XDH: variants seen among roughly 807,000 people sequenced by gnomAD.
The protein encoded by XDH is xanthine dehydrogenase.
A neutral mutation model predicts 156.1 loss-of-function variants in XDH; 138 were observed. That is an observed-to-expected ratio of 0.88 (90% CI 0.77 to 1.02). The LOEUF (loss-of-function observed/expected upper bound fraction) is 1.02, where lower values mean the gene tolerates loss of function less well. Among genes scored for constraint, XDH ranks in the 50% least tolerant of loss-of-function variants. The pLI, the probability that XDH is intolerant of heterozygous loss-of-function variation, is 0.00. For missense variants in XDH, 1,849 were observed against 1,684.9 expected (o/e 1.10, Z -1.71); for synonymous variants, 669 against 625.7 (o/e 1.07, Z -1.03).
chr2:31,352,774 T>C (rs1342462479), intron 24 of XDH, among the ~76,000 whole-genome samples: 1 of 152,156 alleles, frequency 6.6e-6, no homozygotes, highest in African/African-American at 2.4e-5. Context: ...ATTTTAACCC[T>C]AGATCTGAAG....
chr2:31,382,515 T>C (rs563455763), intron 11 of XDH, among the ~76,000 whole-genome samples: 3 of 152,332 alleles, frequency 2.0e-5, no homozygotes, highest in African/African-American at 7.2e-5. Context: ...TGGGGACTTG[T>C]CTGAAGGCTG....
intron 12 of XDH, among the ~76,000 whole-genome samples, chr2:31,381,294 G>A (rs1159852465): frequency 1.3e-5 from 2 of 152,062 alleles, no homozygotes; most frequent in East Asian, 1.9e-4. Flanking sequence ...CCGCACTACC[G>A]CACTTGGCCT....
intron 14 of XDH, among the ~76,000 whole-genome samples, chr2:31,375,935 C>G (rs548201286): frequency 1.8e-4 from 28 of 152,234 alleles, no homozygotes; most frequent in Admixed American, 7.2e-4. Context: ...AGTAACTTGA[C>G]TTATGTTATC....
At chr2:31,382,783 G>A (rs1686473280) in intron 11 of XDH, among the ~76,000 whole-genome samples, 1 of 152,144 alleles carries the variant, frequency 6.6e-6, no homozygotes, top group Non-Finnish European at 1.5e-5. Context: ...ACCTTCATCA[G>A]AAGCACCTGA....
intron 31 of XDH, 115 bp downstream of exon 31, chr2:31,344,569 A>AT: frequency 8.4e-7 from 1 of 1,189,322 alleles, no homozygotes. Context: ...TGTTGAAGAG[A>AT]TAAGTGGAGC....
At position 31,334,910 on chromosome 2, in the gene XDH, C is replaced by T. The variant is rs532392281; in HGVS notation, c.*1048G>A. 2.0e-5 allele frequency: 3 copies of T among 152,194 alleles called. No homozygotes were observed. The highest frequency in any genetic ancestry group is 6.5e-5 in the Admixed American group (1 of 15,296). The allele number at this position is 152,194 out of a possible 1,614,324, so 9.4% of individuals were successfully genotyped here. A position where few individuals can be genotyped will look rare whatever the true frequency, so the allele number is the denominator to read the frequency against. On this transcript the variant is annotated 3_prime_UTR_variant, in exon 36 of 36. Transcript: ENST00000379416. ...TCAGAGACAAGATCTTGCTCAGTCGCTCAGGCAGGAGTGCAGTGGCGCAAT... is the reference window on the plus strand; with the variant it reads ...TCAGAGACAAGATCTTGCTCAGTCGTTCAGGCAGGAGTGCAGTGGCGCAAT...
Position 31,335,482 on chromosome 2 carries a change from T to G in XDH, c.*476A>C, listed in dbSNP as rs1243600659. The G allele has an allele frequency of 5.0e-6, 1 of 201,776 alleles. No individual in the cohort carries two copies. Among genetic ancestry groups the G allele is most frequent in the Non-Finnish European group, 1.0e-5 (1 of 97,608 alleles). 12.5% of individuals were successfully genotyped at this position (201,776 alleles called of 1,614,324 possible). On this transcript the variant is annotated 3_prime_UTR_variant, in exon 36 of 36. Transcript: ENST00000379416. ...CTTACCCCACTGCCTCATTGCAAAATTTGAGTATAGATTCAAGGTTATGCT... is the reference window on the plus strand; with the variant it reads ...CTTACCCCACTGCCTCATTGCAAAAGTTGAGTATAGATTCAAGGTTATGCT...
At chr2:31,410,931 T>A (rs1377338172) in intron 1 of XDH, among the ~76,000 whole-genome samples, 2 of 152,196 alleles carry the variant, frequency 1.3e-5, no homozygotes, top group African/African-American at 4.8e-5. Context: ...ATAAAGTTTA[T>A]AGTATTACAC....
rs1008705348 is a variant in XDH at position 31,350,097 on chromosome 2, C to T, written c.2758G>A (p.Gly920Arg). Residue 920 changes from glycine to arginine, a missense_variant, in exon 25 of 36, where the codon GGG becomes AGG. Transcript: ENST00000379416. Reference protein sequence around the residue: ...TAFRGFGGPQGMLIAECWMSE... With the variant: ...TAFRGFGGPQRMLIAECWMSE... ...ATCCAGCACTCGGCAATGAGCATCC[C>T]CTGGGGCCCCCCAAAGCCCCGGAAG... The T allele has an allele frequency of 1.2e-6, 2 of 1,614,236 alleles. No individual in the cohort carries two copies. Among genetic ancestry groups the T allele is most frequent in the Non-Finnish European group, 1.7e-6 (2 of 1,180,052 alleles).
chr2:31,358,943 A>C (rs1428823411), intron 24 of XDH, among the ~76,000 whole-genome samples: 1 of 152,184 alleles, frequency 6.6e-6, no homozygotes, highest in Non-Finnish European at 1.5e-5. Context: ...GAAAACATGC[A>C]GATTGGAAAG....
intron 12 of XDH, among the ~76,000 whole-genome samples, chr2:31,381,108 G>A (rs1686426835): frequency 6.6e-6 from 1 of 151,906 alleles, no homozygotes; most frequent in Non-Finnish European, 1.5e-5. Flanking sequence ...TGATTCTCTT[G>A]ACTCAGCCTC....
At chr2:31,358,666 A>T (rs976885073) in intron 24 of XDH, among the ~76,000 whole-genome samples, 1 of 152,200 alleles carries the variant, frequency 6.6e-6, no homozygotes, top group Non-Finnish European at 1.5e-5. Flanking sequence ...TCACATGATC[A>T]TATCAGTCAG....
intron 33 of XDH, among the ~76,000 whole-genome samples, chr2:31,340,549 A>G (rs1685099244): frequency 6.6e-6 from 1 of 152,026 alleles, no homozygotes; most frequent in Non-Finnish European, 1.5e-5. Flanking sequence ...GGCTCCCTGC[A>G]AACTCCACCT....
At chr2:31,396,694 G>C (rs906582051) in intron 6 of XDH, among the ~76,000 whole-genome samples, 6 of 152,102 alleles carry the variant, frequency 3.9e-5, no homozygotes, top group African/African-American at 1.4e-4. Flanking sequence ...ACTTGCCCAA[G>C]GTCGTGCATC....
At chr2:31,407,834 T>C (rs1687233302) in intron 1 of XDH, among the ~76,000 whole-genome samples, 1 of 152,226 alleles carries the variant, frequency 6.6e-6, no homozygotes, top group South Asian at 2.1e-4. Context: ...GGAAAGTAGA[T>C]GAAATTAATT....
Position 31,335,973 on chromosome 2 carries a change from C to A in XDH, c.3987G>T (p.Trp1329Cys), listed in dbSNP as rs1650389604. 1 of 1,614,058 alleles carries A rather than the reference C, an allele frequency of 6.2e-7. No individual in the cohort carries two copies. Among genetic ancestry groups the A allele is most frequent in the Non-Finnish European group, 8.5e-7 (1 of 1,180,042 alleles). The change falls in exon 36 of 36, where the codon TGG becomes TGT. Residue 1329 changes from tryptophan (W) to cysteine (C), a missense_variant. Coordinates refer to ENST00000379416, the MANE Select transcript of XDH (RefSeq NM_000379.4). Reference protein sequence around the residue: ...VTGVPENCKPWSVRV With the variant: ...VTGVPENCKPCSVRV Reference sequence around the variant, plus strand: ...GACTCTCTCTTTAGACCCTCACAGACCAGGGTTTGCAGTTTTCTGGGACAC... The same window carrying A: ...GACTCTCTCTTTAGACCCTCACAGAACAGGGTTTGCAGTTTTCTGGGACAC...
In XDH at chr2:31,370,425, G is replaced by A; in HGVS notation, c.1910C>T (p.Ser637Phe). 6.2e-7 allele frequency: 1 copy of A among 1,614,132 alleles called. No individual in the cohort carries two copies. The highest frequency in any genetic ancestry group is 8.5e-7 in the Non-Finnish European group (1 of 1,180,014). Reference sequence around the variant, plus strand: ...GTTACTCCCAGGAACATCATCAGCGGAAATGAAACAAACAAACCCTGGAAC... The same window carrying A: ...GTTACTCCCAGGAACATCATCAGCGAAAATGAAACAAACAAACCCTGGAAC... The part of the protein sequence containing the change: ...KKVPGFVCFI[S>F]ADDVPGSNIT... The change falls in exon 18 of 36, where the codon TCC (serine) becomes TTC (phenylalanine). Residue 637 changes from serine (S) to phenylalanine (F), a missense_variant. Coordinates refer to ENST00000379416, the MANE Select transcript of XDH (RefSeq NM_000379.4).
At chr2:31,353,351 T>G (rs1441163418) in intron 24 of XDH, among the ~76,000 whole-genome samples, 1 of 152,230 alleles carries the variant, frequency 6.6e-6, no homozygotes, top group Non-Finnish European at 1.5e-5. Flanking sequence ...CTCAGGATTC[T>G]ATCTTGTGAG....
intron 11 of XDH, 113 bp from the exon 12 acceptor site, chr2:31,381,839 G>T: frequency 2.2e-6 from 2 of 921,784 alleles, no homozygotes; most frequent in Non-Finnish European, 1.7e-6. Context: ...AACCCCTGAG[G>T]TCCTGTGCCT....
Sources: allele counts gnomAD v4.1 joint callset (sites outside exome capture counted in the v4.1 genomes callset), GRCh38; gene constraint gnomAD v4.1.1; transcripts MANE v1.5; gene names NCBI Gene and HGNC (gene_info 2026-07-23, HGNC 2026-07-21).